RNASET2: variants seen among roughly 807,000 people sequenced by gnomAD.
The protein encoded by RNASET2 is ribonuclease T2.
A neutral mutation model predicts 33.9 loss-of-function variants in RNASET2; 28 were observed. The observed-to-expected ratio is 0.83, with a 90% CI of 0.61 to 1.13. The LOEUF is 1.13. Ranked by LOEUF, RNASET2 falls within the 50% of genes most tolerant of loss-of-function variation. The pLI, the probability that RNASET2 is intolerant of heterozygous loss-of-function variation, is 0.00. For synonymous variants in RNASET2, 123 were observed against 121.0 expected (o/e 1.02, Z -0.11); for missense variants, 330 against 319.9 (o/e 1.03, Z -0.24).
chr6:166,938,696 T>A (rs1778624343), intron 6 of RNASET2, 199 bp downstream of exon 6: 1 of 765,640 alleles, frequency 1.3e-6, no homozygotes. Flanking sequence ...CTCTGTGTGA[T>A]CGTGATGTAG....
At position 166,924,533 on chromosome 6, in the gene RNASET2, G is replaced by A. The variant is rs75220024; in HGVS notation, c.*5055C>T. 6.6e-6 allele frequency among the ~76,000 whole-genome samples: 1 copy of A among 152,202 alleles called. No individual in the cohort carries two copies. Among genetic ancestry groups the A allele is most frequent in the Non-Finnish European group, 1.5e-5 (1 of 68,034 alleles). ...AAAGTCCGGGCCTTTGTAGTGTGAC[G>A]TGGCCATTAGGGCCCACAGATCCTT... On this transcript the variant is annotated 3_prime_UTR_variant, in exon 9 of 9. Transcript: ENST00000508775.
In RNASET2 at chr6:166,955,355, ACACACACG is replaced by A. The variant is rs1405107438; in HGVS notation, c.86+734_86+741del. 7 of 143,662 alleles carry A rather than the reference ACACACACG, an allele frequency of 4.9e-5. No homozygotes were observed. The South Asian group carries it at 1.6e-3, about 33-fold the overall frequency. 8.9% of individuals were successfully genotyped at this position (143,662 alleles called of 1,614,324 possible). ...CGCACGCACACGCACACGCACGCAC[ACACACACG>A]CACACACAAACGCACACGCACACAC... On this transcript the variant is annotated intron_variant, in intron 1 of 8. Transcript: ENST00000508775.
chr6:166,925,147 C>T lies in RNASET2; in HGVS notation c.*4441G>A, dbSNP rs902114612. 4.8e-5 allele frequency among the ~76,000 whole-genome samples: 6 copies of T among 125,344 alleles called. No homozygotes were observed. The highest frequency in any genetic ancestry group is 9.7e-5 in the African/African-American group (3 of 31,032). 82.2% of individuals were successfully genotyped at this position (125,344 alleles called of 152,430 possible). On this transcript the variant is annotated 3_prime_UTR_variant, in exon 9 of 9. Transcript: ENST00000508775. ...ACCTCTGCTGCCCAGGCCTCATCTACGCCATCCAGCCCTCACTCCTGCCGC... is the reference window on the plus strand; with the variant it reads ...ACCTCTGCTGCCCAGGCCTCATCTATGCCATCCAGCCCTCACTCCTGCCGC...
intron 1 of RNASET2, chr6:166,952,952 C>T: frequency 4.8e-6 from 1 of 209,586 alleles, no homozygotes; most frequent in Middle Eastern, 2.0e-3. Flanking sequence ...CCATAAAAGC[C>T]TGAAACCTGG....
At chr6:166,951,748 T>C (rs1778990224) in intron 2 of RNASET2, among the ~76,000 whole-genome samples, 1 of 152,288 alleles carries the variant, frequency 6.6e-6, no homozygotes, top group African/African-American at 2.4e-5. Context: ...TCATCATATC[T>C]ATAATCTATT....
chr6:166,950,968 G>GA (rs1482648388), intron 2 of RNASET2, among the ~76,000 whole-genome samples: 1 of 152,216 alleles, frequency 6.6e-6, no homozygotes, highest in East Asian at 1.9e-4. Context: ...AGAGACAGAA[G>GA]AAAAGACAGC....
rs916901702 is a variant in RNASET2 at position 166,923,735 on chromosome 6, A to G, written c.*5853T>C. 6.6e-6 allele frequency among the ~76,000 whole-genome samples: 1 copy of G among 152,242 alleles called. No individual in the cohort carries two copies. Among genetic ancestry groups the G allele is most frequent in the Non-Finnish European group, 1.5e-5 (1 of 68,032 alleles). On this transcript the variant is annotated 3_prime_UTR_variant, in exon 9 of 9. Coordinates refer to ENST00000508775, the MANE Select transcript of RNASET2 (RefSeq NM_003730.6). ...CTACTGCCCCTTCTATGGGAAACGT[A>G]GCTCATCCCATAAGCAATGCAATGG...
At chr6:166,940,137 G>GA (rs1400464315) in intron 5 of RNASET2, among the ~76,000 whole-genome samples, 4 of 152,234 alleles carry the variant, frequency 2.6e-5, no homozygotes, top group African/African-American at 7.2e-5. Context: ...CCTTCAGAAT[G>GA]ACTGGCGTGT....
chr6:166,941,349 A>C (rs1404529221), intron 5 of RNASET2, among the ~76,000 whole-genome samples: 4 of 152,236 alleles, frequency 2.6e-5, no homozygotes, highest in Non-Finnish European at 4.4e-5. Flanking sequence ...TTTAGCTAAA[A>C]TCTGACAGAC....
intron 8 of RNASET2, among the ~76,000 whole-genome samples, 192 bp from the exon 9 acceptor site, chr6:166,929,983 C>T (rs1778381207): frequency 6.6e-6 from 1 of 152,192 alleles, no homozygotes; most frequent in Admixed American, 6.5e-5. Context: ...GGAGTGGCCC[C>T]AGGTGACTCG....
intron 5 of RNASET2, among the ~76,000 whole-genome samples, chr6:166,942,447 T>C (rs920417180): frequency 7.2e-5 from 11 of 152,234 alleles, no homozygotes; most frequent in African/African-American, 1.7e-4. Flanking sequence ...TATGCAAGCA[T>C]TGGACTTTGT....
intron 7 of RNASET2, chr6:166,931,410 C>G: frequency 2.1e-6 from 1 of 475,990 alleles, no homozygotes; most frequent in Non-Finnish European, 3.8e-6. Context: ...TTCTGGGCCC[C>G]GAGCTGTCTC....
intron 7 of RNASET2, 134 bp from the exon 8 acceptor site, chr6:166,931,252 T>A: frequency 1.4e-6 from 1 of 726,894 alleles, no homozygotes; most frequent in Non-Finnish European, 2.5e-6. Context: ...AGCACAGGTG[T>A]GAGAATGATG....
chr6:166,942,963 G>T, intron 5 of RNASET2, 56 bp downstream of exon 5: 1 of 1,408,096 alleles, frequency 7.1e-7, no homozygotes, highest in Non-Finnish European at 1.0e-6. Flanking sequence ...GATTCATCAC[G>T]CTCCCCACAC....
rs111935331 is a variant in RNASET2 at position 166,927,088 on chromosome 6, C to T, written c.*2500G>A. On this transcript the variant is annotated 3_prime_UTR_variant, in exon 9 of 9. Coordinates refer to ENST00000508775, the MANE Select transcript of RNASET2 (RefSeq NM_003730.6). ...CACCTCCGCCCAGTTACAGCGAGAACCGTGTGGTCAGAGTTGCATCTTCCT... is the reference window on the plus strand; with the variant it reads ...CACCTCCGCCCAGTTACAGCGAGAATCGTGTGGTCAGAGTTGCATCTTCCT... 5.8e-4 allele frequency among the ~76,000 whole-genome samples: 88 copies of T among 152,350 alleles called. No individual in the cohort carries two copies. Among genetic ancestry groups the T allele is most frequent in the Non-Finnish European group, 9.8e-4 (67 of 68,042 alleles).
At chr6:166,944,101 A>G (rs1778767693) in intron 4 of RNASET2, 2 of 155,566 alleles carry the variant, frequency 1.3e-5, no homozygotes, top group African/African-American at 4.8e-5. Flanking sequence ...GCCTGGCGAC[A>G]GAGTGAGACT....
intron 1 of RNASET2, 96 bp downstream of exon 1, chr6:166,956,001 A>G: frequency 7.8e-7 from 1 of 1,278,308 alleles, no homozygotes; most frequent in South Asian, 1.3e-5. Flanking sequence ...CCCGGGGCTC[A>G]GCGACCGCCG....
intron 1 of RNASET2, chr6:166,953,335 T>A (rs1187710889): frequency 6.6e-6 from 1 of 152,156 alleles, no homozygotes; most frequent in African/African-American, 2.4e-5. Context: ...CTGCAAGACT[T>A]AACGAGACTG....
Position 166,943,032 on chromosome 6 carries a change from G to C in RNASET2, c.319C>G (p.Arg107Gly). The C allele has an allele frequency of 1.2e-6, 2 of 1,613,580 alleles. No homozygotes were observed. The highest frequency in any genetic ancestry group is 8.5e-7 in the Non-Finnish European group (1 of 1,179,708). The change falls in exon 5 of 9, where the codon CGC becomes GGC. Residue 107 changes from arginine (R) to glycine (G), a missense_variant. Coordinates refer to ENST00000508775, the MANE Select transcript of RNASET2 (RefSeq NM_003730.6). ...GCTGGGACTTACCAGAAGCGGCTGC[G>C]ATTGGGAAACGAGTGAATTACGTCA... ...WPDVIHSFPN[R>G]SRFWKHEWEK...
Sources: gnomAD v4.1 joint callset for allele counts (sites outside exome capture counted in the v4.1 genomes callset) on GRCh38, gnomAD v4.1.1 for gene constraint, MANE v1.5 for transcripts, NCBI Gene and HGNC (gene_info 2026-07-23, HGNC 2026-07-21) for gene names.